The following RORB variants were observed in gnomAD, a reference collection of about 807,000 sequenced individuals.
The protein encoded by RORB is nuclear receptor ROR-beta.
RORB carries 6 observed loss-of-function variants against 59.1 expected under a neutral mutation model. The observed-to-expected ratio is 0.10, with a 90% CI of 0.06 to 0.20. RORB has a LOEUF of 0.20. Among genes scored for constraint, RORB ranks in the 10% least tolerant of loss-of-function variants. The pLI is 1.00. For missense variants in RORB, 320 were observed against 560.5 expected, an observed-to-expected ratio of 0.57 and a Z score of 4.33; for synonymous variants, 215 against 204.5, an observed-to-expected ratio of 1.05 and a Z score of -0.44.
intron 1 of RORB, among the ~76,000 whole-genome samples, chr9:74,561,706 G>A (rs1049039307): frequency 6.6e-6 from 1 of 152,114 alleles, no homozygotes; most frequent in Non-Finnish European, 1.5e-5. Context: ...AGAATACTGT[G>A]ATCAAAACCA....
chr9:74,667,690 T>C, intron 7 of RORB, 101 bp from the exon 8 acceptor site: 5 of 719,414 alleles, frequency 7.0e-6, no homozygotes, highest in Non-Finnish European at 1.3e-5. Context: ...AGAAGTCTAG[T>C]ATGCACCTCC....
intron 1 of RORB, among the ~76,000 whole-genome samples, chr9:74,612,753 T>G (rs528691394): frequency 6.6e-6 from 1 of 152,288 alleles, no homozygotes; most frequent in South Asian, 2.1e-4. Flanking sequence ...AGGTTAATAT[T>G]TAATAACCTT....
chr9:74,644,563 T>C (rs1823865052), intron 4 of RORB, among the ~76,000 whole-genome samples: 1 of 152,194 alleles, frequency 6.6e-6, no homozygotes. Flanking sequence ...ACTCCTCTGT[T>C]AACCTGCTAC....
intron 1 of RORB, among the ~76,000 whole-genome samples, chr9:74,515,811 C>A (rs1169616849): frequency 6.6e-6 from 1 of 152,006 alleles, no homozygotes; most frequent in East Asian, 1.9e-4. Flanking sequence ...GATCAATATC[C>A]CAGTGACTAG....
intron 4 of RORB, among the ~76,000 whole-genome samples, chr9:74,657,569 A>C (rs1824105048): frequency 6.6e-6 from 1 of 152,150 alleles, no homozygotes. Flanking sequence ...CTCATCCTTC[A>C]AGACCCAGGC....
intron 1 of RORB, among the ~76,000 whole-genome samples, chr9:74,605,745 T>A (rs1823138690): frequency 6.6e-6 from 1 of 152,212 alleles, no homozygotes; most frequent in Non-Finnish European, 1.5e-5. Context: ...CTATATATTG[T>A]GCACGTGATT....
chr9:74,568,027 A>G (rs1395339725), intron 1 of RORB, among the ~76,000 whole-genome samples: 2 of 152,212 alleles, frequency 1.3e-5, no homozygotes, highest in East Asian at 3.8e-4. Flanking sequence ...TAAATGGACA[A>G]ATTATCCTGG....
intron 1 of RORB, among the ~76,000 whole-genome samples, chr9:74,598,997 A>G (rs1356849099): frequency 6.6e-6 from 1 of 152,148 alleles, no homozygotes; most frequent in Non-Finnish European, 1.5e-5. Flanking sequence ...TACCTTGTGA[A>G]ATCTCTCTCA....
At chr9:74,498,020 C>G (rs773849897) in intron 1 of RORB, 37 bp downstream of exon 1, 4 of 1,604,306 alleles carry the variant, frequency 2.5e-6, no homozygotes, top group Non-Finnish European at 3.4e-6. Context: ...TCCCCGAGTC[C>G]GGCCAACTCC....
At chr9:74,528,746 T>C (rs1826192412) in intron 1 of RORB, among the ~76,000 whole-genome samples, 4 of 152,046 alleles carry the variant, frequency 2.6e-5, no homozygotes, top group Admixed American at 2.0e-4. Flanking sequence ...TGCTATTCTA[T>C]GTCCTATGCT....
At chr9:74,607,364 C>T (rs912818348) in intron 1 of RORB, among the ~76,000 whole-genome samples, 2 of 152,110 alleles carry the variant, frequency 1.3e-5, no homozygotes, top group African/African-American at 4.8e-5. Context: ...TGAAGTTCAC[C>T]ACTGAGTTGA....
At chr9:74,520,652 C>A (rs993664676) in intron 1 of RORB, among the ~76,000 whole-genome samples, 1 of 151,738 alleles carries the variant, frequency 6.6e-6, no homozygotes, top group African/African-American at 2.4e-5. Context: ...TGATACATAG[C>A]AATAATATAC....
At chr9:74,605,332 G>A (rs1176718165) in intron 1 of RORB, among the ~76,000 whole-genome samples, 1 of 152,184 alleles carries the variant, frequency 6.6e-6, no homozygotes, top group Admixed American at 6.5e-5. Flanking sequence ...ATTGTAGATA[G>A]CCTTTCAAAC....
At chr9:74,528,437 G>A (rs932978192) in intron 1 of RORB, among the ~76,000 whole-genome samples, 2 of 152,088 alleles carry the variant, frequency 1.3e-5, no homozygotes, top group Non-Finnish European at 2.9e-5. Flanking sequence ...TCCGTCTGGC[G>A]GTGGGAAAAG....
intron 1 of RORB, among the ~76,000 whole-genome samples, chr9:74,566,179 A>T (rs566249088): frequency 6.6e-6 from 1 of 152,262 alleles, no homozygotes; most frequent in Admixed American, 6.5e-5. Context: ...ATCCAAGACC[A>T]GGGAAATCCA....
intron 1 of RORB, among the ~76,000 whole-genome samples, chr9:74,542,605 A>G (rs1488241236): frequency 6.6e-6 from 1 of 152,142 alleles, no homozygotes; most frequent in Admixed American, 6.5e-5. Flanking sequence ...TTAAGAAGAT[A>G]CTCTGCAGTT....
At chr9:74,536,643 A>T (rs897444727) in intron 1 of RORB, among the ~76,000 whole-genome samples, 3 of 152,042 alleles carry the variant, frequency 2.0e-5, no homozygotes, top group Admixed American at 2.0e-4. Context: ...TAGCAATAAG[A>T]CCAAGTCAGT....
chr9:74,535,501 A>G (rs1826308482), intron 1 of RORB, among the ~76,000 whole-genome samples: 1 of 151,960 alleles, frequency 6.6e-6, no homozygotes, highest in Admixed American at 6.6e-5. Context: ...AAACGCAATC[A>G]CGGGAGGCTT....
At position 74,642,501 on chromosome 9, in the gene RORB, G is replaced by A. The variant is rs202240086; in HGVS notation, c.323G>A (p.Arg108Gln). Residue 108 changes from arginine (R) to glutamine (Q), a missense_variant, in exon 4 of 10, where the codon CGG becomes CAG. Transcript: ENST00000376896. ...QKHQQRLQEQ[R>Q]QQQSGEAEAL... ...CACCAGCAGCGGCTGCAGGAACAGC[G>A]GCAGCAGCAGAGTGGGGAGGCAGAA... The A allele has an allele frequency of 4.2e-5, 67 of 1,614,192 alleles. No homozygotes were observed. Among genetic ancestry groups the A allele is most frequent in the Non-Finnish European group, 5.3e-5 (63 of 1,180,006 alleles).
Sources: gnomAD v4.1 joint callset for allele counts (sites outside exome capture counted in the v4.1 genomes callset) on GRCh38, gnomAD v4.1.1 for gene constraint, MANE v1.5 for transcripts, NCBI Gene and HGNC (gene_info 2026-07-23, HGNC 2026-07-21) for gene names.